Variants in CLTRN observed in about 807,000 individuals in gnomAD.
The protein encoded by CLTRN is collectrin, amino acid transport regulator, also known as collectrin.
A neutral mutation model predicts 14.5 loss-of-function variants in CLTRN; 12 were observed. That is an observed-to-expected ratio of 0.83 (90% CI 0.53 to 1.34). The LOEUF (loss-of-function observed/expected upper bound fraction) is 1.34. Ranked by LOEUF, CLTRN falls within the 40% of genes most tolerant of loss-of-function variation. The pLI, the probability that CLTRN is intolerant of heterozygous loss-of-function variation, is 0.00. For synonymous variants in CLTRN, 58 were observed against 56.5 expected (o/e 1.03, Z -0.12); for missense variants, 154 against 165.1 (o/e 0.93, Z 0.37).
At chrX:15,664,808 G>GAA (rs751218884), upstream of CLTRN, 3 of 1,099,735 alleles carry the variant, frequency 2.7e-6, no homozygotes, top group Non-Finnish European at 3.7e-6. Context: ...GGCAAAGTGA[G>GAA]AAAAAAAAAA....
chrX:15,661,995 G>A (rs1393360422), intron 2 of CLTRN, among the ~76,000 whole-genome samples: 1 of 111,285 alleles, frequency 9.0e-6, no homozygotes, highest in Non-Finnish European at 1.9e-5. Context: ...CCACATTTTA[G>A]GTAAGTAACT....
chrX:15,632,321 T>C (rs956699178), intron 5 of CLTRN, among the ~76,000 whole-genome samples: 13 of 112,636 alleles, frequency 1.2e-4, no homozygotes, highest in Admixed American at 4.7e-4. Flanking sequence ...CTCACGCCTG[T>C]AATCCCAGCA....
At chrX:15,634,227 T>C (rs1043811460) in intron 5 of CLTRN, among the ~76,000 whole-genome samples, 1 of 111,944 alleles carries the variant, frequency 8.9e-6, no homozygotes, top group African/African-American at 3.2e-5. Flanking sequence ...GTAACTTAAA[T>C]TGATATAGCA....
intron 2 of CLTRN, among the ~76,000 whole-genome samples, chrX:15,659,676 T>A (rs1298407202): frequency 9.0e-6 from 1 of 110,747 alleles, no homozygotes; most frequent in Non-Finnish European, 1.9e-5. Flanking sequence ...TGGGCCCTAA[T>A]CCACTATGAT....
chrX:15,664,218 G>A (rs1929570745), intron 2 of CLTRN, 119 bp downstream of exon 2: 1 of 468,074 alleles, frequency 2.1e-6, no homozygotes, highest in Non-Finnish European at 3.6e-6. Flanking sequence ...TCAGATTTGA[G>A]GTCTTTAGAA....
At chrX:15,649,972 T>C (rs1372004516) in intron 3 of CLTRN, among the ~76,000 whole-genome samples, 1 of 106,125 alleles carries the variant, frequency 9.4e-6, no homozygotes, top group Non-Finnish European at 1.9e-5. Flanking sequence ...CATAAGGGAA[T>C]TGGGGTTAGA....
At chrX:15,649,086 A>C (rs1929157888) in intron 3 of CLTRN, among the ~76,000 whole-genome samples, 1 of 111,790 alleles carries the variant, frequency 8.9e-6, no homozygotes, top group Non-Finnish European at 1.9e-5. Context: ...AAAATCCTTT[A>C]TCTCATGGAG....
chrX:15,673,571 T>C (rs1371174246), intron 1 of CLTRN, among the ~76,000 whole-genome samples: 1 of 112,492 alleles, frequency 8.9e-6, no homozygotes, highest in Non-Finnish European at 1.9e-5. Flanking sequence ...ACATTTTATA[T>C]AAATGAGATA....
In CLTRN at chrX:15,659,143, T is replaced by G. The variant is rs779075782; in HGVS notation, c.118-42A>C. ...ACAAAGTGTATGGGGGAAAATATGG[T>G]CCATTGGTTCTACTTGTACCCACAG... On this transcript the variant is annotated intron_variant, in intron 2 of 5. Coordinates refer to ENST00000380342, the MANE Select transcript of CLTRN (RefSeq NM_020665.6). 1.0e-5 allele frequency: 8 copies of G among 785,063 alleles called. No homozygotes were observed. In the African/African-American group the frequency reaches 1.3e-4, roughly 12 times the overall value. The allele number at this position is 785,063 out of a possible 1,213,427, so 64.7% of individuals were successfully genotyped here.
At chrX:15,639,946 C>A (rs1339827562) in intron 4 of CLTRN, among the ~76,000 whole-genome samples, 190 bp from the exon 5 acceptor site, 1 of 112,411 alleles carries the variant, frequency 8.9e-6, no homozygotes, top group African/African-American at 3.2e-5. Context: ...AGTTACAACA[C>A]TAGCTGCCAG....
At chrX:15,651,737 G>A (rs183486754) in intron 3 of CLTRN, among the ~76,000 whole-genome samples, 43 of 111,400 alleles carry the variant, frequency 3.9e-4, no homozygotes, top group South Asian at 3.4e-3. Context: ...CTTGGCCCAC[G>A]TGGATTCAGC....
At chrX:15,667,576 T>C (rs1201019117), upstream of CLTRN, among the ~76,000 whole-genome samples, 1 of 113,095 alleles carries the variant, frequency 8.8e-6, no homozygotes, top group African/African-American at 3.2e-5. Flanking sequence ...CAATGTTTTC[T>C]AAATATTTGG....
At chrX:15,631,670 C>T (rs1928697895) in intron 5 of CLTRN, among the ~76,000 whole-genome samples, 1 of 112,114 alleles carries the variant, frequency 8.9e-6, no homozygotes, top group African/African-American at 3.2e-5. Context: ...AGGGGAATTG[C>T]TGTAGAAATT....
At chrX:15,628,163 A>G in intron 5 of CLTRN, 36 bp from the exon 6 acceptor site, 1 of 1,006,040 alleles carries the variant, frequency 9.9e-7, no homozygotes, top group South Asian at 4.0e-5. Context: ...TGGCATCTAG[A>G]AGGACCATAA....
chrX:15,650,845 G>A (rs1345530114), intron 3 of CLTRN, among the ~76,000 whole-genome samples: 1 of 112,121 alleles, frequency 8.9e-6, no homozygotes, highest in East Asian at 2.8e-4. Flanking sequence ...GCAATGTTGT[G>A]GGAAGGGGGC....
chrX:15,675,463 T>C, upstream of CLTRN: 1 of 113,642 alleles, frequency 8.8e-6, no homozygotes. Context: ...GCCTTGTTGC[T>C]CTGAGGGGCG....
At chrX:15,660,180 T>C (rs1929473074) in intron 2 of CLTRN, among the ~76,000 whole-genome samples, 1 of 111,863 alleles carries the variant, frequency 8.9e-6, no homozygotes, top group African/African-American at 3.3e-5. Flanking sequence ...TCCTCTTTGG[T>C]GGCAGGGAGG....
At chrX:15,643,400 G>A (rs1451915293) in intron 4 of CLTRN, among the ~76,000 whole-genome samples, 2 of 111,272 alleles carry the variant, frequency 1.8e-5, no homozygotes, top group East Asian at 2.8e-4. Flanking sequence ...TTCCTAAATA[G>A]ATTCTCCTGC....
intron 1 of CLTRN, among the ~76,000 whole-genome samples, chrX:15,674,671 CTGGTT>C (rs1447505383): frequency 8.9e-6 from 1 of 112,852 alleles, no homozygotes; most frequent in Non-Finnish European, 1.9e-5. Context: ...CCGCGGACAT[CTGGTT>C]CCAGGACCTG....
Sources: allele counts gnomAD v4.1 joint callset (sites outside exome capture counted in the v4.1 genomes callset), GRCh38; gene constraint gnomAD v4.1.1; transcripts MANE v1.5; gene names NCBI Gene and HGNC (gene_info 2026-07-23, HGNC 2026-07-21).